CACNA1B: variants seen among roughly 807,000 people sequenced by gnomAD.
The protein encoded by CACNA1B is voltage-dependent N-type calcium channel subunit alpha-1B.
Under a neutral mutation model 247.2 loss-of-function variants are expected in CACNA1B, and 70 were observed. The ratio of observed to expected loss-of-function variants is 0.28; its 90% CI spans 0.23 to 0.35. The LOEUF is 0.35. Ranked by LOEUF, CACNA1B falls within the 10% of genes least tolerant of loss-of-function variation. CACNA1B has a pLI of 1.00. For missense variants in CACNA1B, 2,367 were observed against 3,197.4 expected (o/e 0.74, Z 6.26); for synonymous variants, 1,231 against 1,294.4 (o/e 0.95, Z 1.05).
Position 138,012,055 on chromosome 9 carries a change from G to T in CACNA1B, c.2161-1074G>T, listed in dbSNP as rs1958730586. ...TTAGTGACTTAGGGTCAGGGCCAGA[G>T]GGGGCAGAGGAAACTGCACCTGCCT... On this transcript the variant is annotated intron_variant, in intron 17 of 46. Coordinates refer to ENST00000371372, the MANE Select transcript of CACNA1B (RefSeq NM_000718.4). This position sits in a 1 kb window ranked among gnomAD's most constrained non-coding sequence, Gnocchi z 4.2. 6.6e-6 allele frequency among the ~76,000 whole-genome samples: 1 copy of T among 152,224 alleles called. No individual in the cohort carries two copies. The highest frequency in any genetic ancestry group is 1.5e-5 in the Non-Finnish European group (1 of 68,042).
rs756778380 is a variant in CACNA1B at position 137,879,097 on chromosome 9, A to T, written c.328A>T (p.Ile110Phe). The change falls in exon 2 of 47, where the codon ATC becomes TTC. Residue 110 changes from isoleucine (I) to phenylalanine (F), a missense_variant. By Grantham distance (21) the Ile-to-Phe change is conservative. Coordinates refer to ENST00000371372, the MANE Select transcript of CACNA1B (RefSeq NM_000718.4). ...MILATIIANC[I>F]VLALEQHLPD... ...CCTGGCCACCATCATCGCCAACTGC[A>T]TCGTGCTGGCCCTGGAGCAGCACCT... 1 of 1,612,880 alleles carries T rather than the reference A, an allele frequency of 6.2e-7. No homozygotes were observed. The highest frequency in any genetic ancestry group is 1.7e-5 in the Admixed American group (1 of 59,990).
At chr9:137,949,218 GTGAGTGTGTGTGTGGTGTATGCA>G (rs1462269643) in intron 6 of CACNA1B, among the ~76,000 whole-genome samples, 6 of 151,192 alleles carry the variant, frequency 4.0e-5, no homozygotes, top group South Asian at 2.1e-4. Context: ...TATGTGTGGT[GTGAGTGTGTGTGTGGTGTATGCA>G]TGTGTGTGGT....
At chr9:138,078,442 T>C (rs2131320079) in intron 36 of CACNA1B, among the ~76,000 whole-genome samples, 184 bp downstream of exon 36, 1 of 152,196 alleles carries the variant, frequency 6.6e-6, no homozygotes, top group East Asian at 1.9e-4. Flanking sequence ...GCCGACATGG[T>C]AACGGGCTCC....
chr9:138,006,399 T>C (rs889803775), intron 15 of CACNA1B, among the ~76,000 whole-genome samples: 2 of 152,188 alleles, frequency 1.3e-5, no homozygotes, highest in African/African-American at 4.8e-5. Flanking sequence ...GAACCTCGGC[T>C]TCCTTGACTG....
At chr9:137,885,453 T>C (rs1382274330) in intron 3 of CACNA1B, among the ~76,000 whole-genome samples, 1 of 151,360 alleles carries the variant, frequency 6.6e-6, no homozygotes, top group Non-Finnish European at 1.5e-5. Context: ...TCTCATTAGT[T>C]TGTTGTTTTT....
At chr9:138,117,804 A>G (rs1333839590) in intron 42 of CACNA1B, 142 bp from the exon 43 acceptor site, 6 of 574,064 alleles carry the variant, frequency 1.0e-5, no homozygotes, top group South Asian at 3.5e-5. Context: ...GGAGGGCTCA[A>G]TTCAGTCCAG....
chr9:138,052,460 G>T lies in CACNA1B; in HGVS notation c.3807+272G>T, dbSNP rs1959328308. ...GCAGCTGCAGTGCAGTGCGGGAAAG[G>T]CTGCCGGGACAGGTGCAGGGTGGTG... On this transcript the variant is annotated intron_variant, in intron 25 of 46. Coordinates refer to ENST00000371372, the MANE Select transcript of CACNA1B (RefSeq NM_000718.4). The surrounding 1 kb of genome is among the most constrained non-coding windows in gnomAD (Gnocchi z 5.1). 6.6e-6 allele frequency among the ~76,000 whole-genome samples: 1 copy of T among 152,142 alleles called. No individual in the cohort carries two copies. The highest frequency in any genetic ancestry group is 1.5e-5 in the Non-Finnish European group (1 of 68,016).
At position 138,024,944 on chromosome 9, in the gene CACNA1B, C is replaced by T. The variant is rs776175613; in HGVS notation, c.3069-11C>T. Reference sequence around the variant, plus strand: ...ACTGCGCCGAGGCCTGATGTACATTCTTGATTGCAGGGAGCCACACTGTGA... The same window carrying T: ...ACTGCGCCGAGGCCTGATGTACATTTTTGATTGCAGGGAGCCACACTGTGA... On this transcript the variant is annotated splice_polypyrimidine_tract_variant and intron_variant, in intron 19 of 46. Coordinates refer to ENST00000371372, the MANE Select transcript of CACNA1B (RefSeq NM_000718.4). 15 of 1,557,262 alleles carry T rather than the reference C, an allele frequency of 9.6e-6. No individual in the cohort carries two copies. In the South Asian group the frequency reaches 1.7e-4, roughly 17 times the overall value.
intron 19 of CACNA1B, among the ~76,000 whole-genome samples, chr9:138,024,743 C>T (rs545314630): frequency 6.6e-6 from 1 of 152,308 alleles, no homozygotes; most frequent in East Asian, 1.9e-4. Flanking sequence ...ATCCTCCCAC[C>T]TCAGCCTTCC....
chr9:137,905,379 C>T (rs142523620), intron 3 of CACNA1B, among the ~76,000 whole-genome samples: 119 of 151,504 alleles, frequency 7.9e-4, no homozygotes, highest in African/African-American at 2.7e-3. Context: ...CTTTTAGATT[C>T]AACTTATGAA....
intron 24 of CACNA1B, among the ~76,000 whole-genome samples, chr9:138,049,731 G>C (rs989905480): frequency 5.3e-5 from 8 of 152,198 alleles, no homozygotes; most frequent in African/African-American, 1.9e-4. Context: ...CCTGACCCAG[G>C]GAGACCTCTG....
At chr9:138,029,597 G>GT (rs1184371849) in intron 20 of CACNA1B, among the ~76,000 whole-genome samples, 1 of 130,624 alleles carries the variant, frequency 7.7e-6, no homozygotes, top group African/African-American at 2.8e-5. Context: ...GTTTTTTTGT[G>GT]TTTTTCTTTT....
intron 21 of CACNA1B, 105 bp downstream of exon 21, chr9:138,044,005 G>C: frequency 3.5e-6 from 5 of 1,422,582 alleles, no homozygotes; most frequent in Non-Finnish European, 9.6e-7. Context: ...CACTTATGTA[G>C]AGAAACGGCT....
intron 21 of CACNA1B, among the ~76,000 whole-genome samples, chr9:138,044,991 G>T (rs767541202): frequency 1.7e-4 from 26 of 152,240 alleles, no homozygotes; most frequent in Non-Finnish European, 3.1e-4. Context: ...TGTGGAAATG[G>T]AAACACAGGA....
chr9:138,057,722 T>C lies in CACNA1B; in HGVS notation c.3969-10T>C. On this transcript the variant is annotated splice_polypyrimidine_tract_variant and intron_variant, in intron 26 of 46. Transcript: ENST00000371372. This position sits in a 1 kb window ranked among gnomAD's most constrained non-coding sequence, Gnocchi z 4.0. ...CTTTGCCCTCTAACCTCCCATGTTCTCATTCCTAGGGGTCAGTATTTGGAT... is the reference window on the plus strand; with the variant it reads ...CTTTGCCCTCTAACCTCCCATGTTCCCATTCCTAGGGGTCAGTATTTGGAT... The C allele has an allele frequency of 6.2e-7, 1 of 1,600,994 alleles. No homozygotes were observed. The highest frequency in any genetic ancestry group is 2.3e-5 in the East Asian group (1 of 44,436).
intron 3 of CACNA1B, chr9:137,892,185 G>A (rs772086448): frequency 4.4e-6 from 2 of 456,848 alleles, no homozygotes; most frequent in South Asian, 3.1e-5. Context: ...TGGTCTGCTG[G>A]GGAGGCTGGA....
rs879898506 is a variant in CACNA1B, at chr9:138,023,586, C to T, written c.2843C>T (p.Ala948Val). 2 of 1,080,488 alleles carry T rather than the reference C, an allele frequency of 1.9e-6. No homozygotes were observed. Among genetic ancestry groups the T allele is most frequent in the East Asian group, 8.5e-5 (1 of 11,828 alleles). The allele number at this position is 1,080,488 out of a possible 1,614,324, so 66.9% of individuals were successfully genotyped here. A position where few individuals can be genotyped will look rare whatever the true frequency, so the allele number is the denominator to read the frequency against. The change falls in exon 19 of 47, where the codon GCC becomes GTC. Residue 948 changes from alanine (A) to valine (V), a missense_variant. Physicochemically the swap from Ala to Val is moderately conservative, Grantham distance 64. This residue lies in a region of CACNA1B where 631 missense variants were observed against 631.1 expected (regional missense o/e 1.00). Coordinates refer to ENST00000371372, the MANE Select transcript of CACNA1B (RefSeq NM_000718.4). ...CACCAGGATCCGAGCAAGGAGTGCGCCGGCGCCAAGGGCGAGCGGCGCGCG... is the reference window on the plus strand; with the variant it reads ...CACCAGGATCCGAGCAAGGAGTGCGTCGGCGCCAAGGGCGAGCGGCGCGCG... ...HRHQDPSKEC[A>V]GAKGERRARH...
intron 6 of CACNA1B, among the ~76,000 whole-genome samples, chr9:137,937,370 C>G (rs937489611): frequency 4.6e-5 from 7 of 151,740 alleles, no homozygotes; most frequent in African/African-American, 1.7e-4. Context: ...TTGAATTAAC[C>G]CAATCTAACA....
chr9:137,960,164 G>A (rs1356459977), intron 10 of CACNA1B, among the ~76,000 whole-genome samples: 2 of 137,960 alleles, frequency 1.4e-5, no homozygotes, highest in African/African-American at 5.5e-5. Flanking sequence ...CCTGAGGAAC[G>A]TGTGTGGCGG....
Sources: allele counts gnomAD v4.1 joint callset (sites outside exome capture counted in the v4.1 genomes callset), GRCh38; gene constraint gnomAD v4.1.1; regional missense constraint gnomAD v4.1.1; non-coding constraint Gnocchi (gnomAD v3.1); transcripts MANE v1.5; gene names NCBI Gene and HGNC (gene_info 2026-07-23, HGNC 2026-07-21).